The following SRCIN1 variants were observed in gnomAD, a reference collection of about 807,000 sequenced individuals.
SRCIN1 encodes the protein SRC kinase signaling inhibitor 1.
SRCIN1 carries 50 observed loss-of-function variants against 116.2 expected under a neutral mutation model. The observed-to-expected ratio is 0.43, with a 90% CI of 0.34 to 0.54. The LOEUF is 0.54. Ranked by LOEUF, SRCIN1 falls within the 20% of genes least tolerant of loss-of-function variation. SRCIN1 has a pLI of 0.02. For synonymous variants in SRCIN1, 736 were observed against 750.0 expected (o/e 0.98, Z 0.30); for missense variants, 1,446 against 1,672.0 (o/e 0.86, Z 2.36).
intron 18 of SRCIN1, among the ~76,000 whole-genome samples, chr17:38,538,762 T>C (rs1265163047): frequency 6.6e-6 from 1 of 152,220 alleles, no homozygotes; most frequent in Non-Finnish European, 1.5e-5. Context: ...CACGAGGTTA[T>C]GCTCCCTGGC....
chr17:38,534,186 G>A (rs556470116), intron 18 of SRCIN1, among the ~76,000 whole-genome samples: 11 of 152,244 alleles, frequency 7.2e-5, no homozygotes, highest in Admixed American at 1.3e-4. Context: ...GTGGACTCCC[G>A]CAACTCCACC....
At chr17:38,592,254 G>A (rs770794263) in intron 1 of SRCIN1, among the ~76,000 whole-genome samples, 1 of 152,180 alleles carries the variant, frequency 6.6e-6, no homozygotes, top group Admixed American at 6.5e-5. Context: ...CTGTCACCAC[G>A]CCGCCATCCC....
At chr17:38,550,298 T>C (rs1005847580) in intron 15 of SRCIN1, among the ~76,000 whole-genome samples, 6 of 151,942 alleles carry the variant, frequency 3.9e-5, no homozygotes, top group African/African-American at 1.5e-4. Context: ...ATCGAGACCA[T>C]CCTGGCTAAC....
chr17:38,565,730 T>TG (rs1391304420), intron 3 of SRCIN1, among the ~76,000 whole-genome samples: 1 of 152,228 alleles, frequency 6.6e-6, no homozygotes, highest in East Asian at 1.9e-4. Context: ...ATGGGCAGTA[T>TG]GCCCAGCTGT....
At chr17:38,584,405 T>C (rs1907997495) in intron 1 of SRCIN1, among the ~76,000 whole-genome samples, 2 of 152,088 alleles carry the variant, frequency 1.3e-5, no homozygotes, top group Non-Finnish European at 2.9e-5. Flanking sequence ...AAATCCAGAA[T>C]CCGAATGAGG....
At chr17:38,551,728 T>A in intron 14 of SRCIN1, 158 bp downstream of exon 14, 1 of 1,192,500 alleles carries the variant, frequency 8.4e-7, no homozygotes, top group Non-Finnish European at 1.2e-6. Context: ...AGGGCTAATG[T>A]CACCCTCATT....
chr17:38,580,093 C>G (rs1382583747), intron 1 of SRCIN1, among the ~76,000 whole-genome samples: 2 of 152,176 alleles, frequency 1.3e-5, no homozygotes, highest in Non-Finnish European at 2.9e-5. Context: ...CCTCCAAGGG[C>G]AGCCCAGGGC....
At position 38,562,976 on chromosome 17, in the gene SRCIN1, GA is replaced by G; in HGVS notation, c.741-57del. 1 of 1,426,034 alleles carries G rather than the reference GA, an allele frequency of 7.0e-7. No homozygotes were observed. Among genetic ancestry groups the G allele is most frequent in the Non-Finnish European group, 9.8e-7 (1 of 1,020,630 alleles). The allele number at this position is 1,426,034 out of a possible 1,614,324, so 88.3% of individuals were successfully genotyped here. ...CCCATCCCCCAGCTGTGCACAATGA[GA>G]AGGGATGGCTACTCCAGGCCTAGAG... is the stretch of plus-strand genomic sequence containing the variant. On this transcript the variant is annotated intron_variant, in intron 5 of 18. Transcript: ENST00000617146. The surrounding 1 kb of genome is among the most constrained non-coding windows in gnomAD (Gnocchi z 4.2).
Position 38,563,950 on chromosome 17 carries a change from C to G in SRCIN1, c.541+168G>C. On this transcript the variant is annotated intron_variant, in intron 4 of 18. Coordinates refer to ENST00000617146, the MANE Select transcript of SRCIN1 (RefSeq NM_025248.3). This position sits in a 1 kb window ranked among gnomAD's most constrained non-coding sequence, Gnocchi z 5.8. ...AGGGGTCGGGTGGGGATGCTGAGGG[C>G]GAGAGAGAGATGGAGAGAGCTGGGG... 1 of 739,610 alleles carries G rather than the reference C, an allele frequency of 1.4e-6. No homozygotes were observed. The highest frequency in any genetic ancestry group is 1.8e-5 in the South Asian group (1 of 54,940). 45.8% of individuals were successfully genotyped at this position (739,610 alleles called of 1,614,324 possible).
chr17:38,573,953 C>A (rs187985587), intron 2 of SRCIN1, among the ~76,000 whole-genome samples: 2 of 152,358 alleles, frequency 1.3e-5, no homozygotes, highest in African/African-American at 4.8e-5. Flanking sequence ...ACTTGAGTTA[C>A]ACTCGGCTAA....
chr17:38,562,430 C>T lies in SRCIN1; in HGVS notation c.835-102G>A, dbSNP rs1338351140. On this transcript the variant is annotated intron_variant, in intron 6 of 18. Coordinates refer to ENST00000617146, the MANE Select transcript of SRCIN1 (RefSeq NM_025248.3). This position sits in a 1 kb window ranked among gnomAD's most constrained non-coding sequence, Gnocchi z 4.2. ...TCTCCTCCCTGACGCTTAGGAAGTC[C>T]CTTCTGCTCTCTGCCCTCCCTCCAT... 1.5e-5 allele frequency: 19 copies of T among 1,287,352 alleles called. No individual in the cohort carries two copies. Among genetic ancestry groups the T allele is most frequent in the African/African-American group, 3.2e-5 (2 of 63,482 alleles). 79.7% of individuals were successfully genotyped at this position (1,287,352 alleles called of 1,614,324 possible). A position where few individuals can be genotyped will look rare whatever the true frequency, so the allele number is the denominator to read the frequency against.
At chr17:38,581,295 C>T (rs919280472) in intron 1 of SRCIN1, among the ~76,000 whole-genome samples, 15 of 151,838 alleles carry the variant, frequency 9.9e-5, no homozygotes, top group Admixed American at 5.9e-4. Context: ...AATCTCAGCT[C>T]CTTGGGAGGC....
chr17:38,548,148 G>A (rs1905177625), intron 17 of SRCIN1, among the ~76,000 whole-genome samples: 1 of 152,078 alleles, frequency 6.6e-6, no homozygotes, highest in Non-Finnish European at 1.5e-5. Flanking sequence ...GGAGAGTCGA[G>A]GCATGGGGTA....
At chr17:38,570,389 G>A (rs1029252954) in intron 2 of SRCIN1, among the ~76,000 whole-genome samples, 45 of 152,146 alleles carry the variant, frequency 3.0e-4, no homozygotes, top group Admixed American at 1.4e-3. Context: ...CACAGAAACA[G>A]AGACACGGGT....
At chr17:38,536,619 C>T (rs189179734) in intron 18 of SRCIN1, among the ~76,000 whole-genome samples, 1 of 152,298 alleles carries the variant, frequency 6.6e-6, no homozygotes, top group Non-Finnish European at 1.5e-5. Flanking sequence ...CTACAGACCC[C>T]GCTGACTCCA....
rs1232517623 is a variant in SRCIN1 at position 38,572,833 on chromosome 17, G to A, written c.325-4602C>T. On this transcript the variant is annotated intron_variant, in intron 2 of 18. Transcript: ENST00000617146. This position sits in a 1 kb window ranked among gnomAD's most constrained non-coding sequence, Gnocchi z 4.3. ...TTTGCTGCAATGCGAGAGCCGCCGCGGCCGCCGCCGTGCCGGCCCGGGCCC... is the reference window on the plus strand; with the variant it reads ...TTTGCTGCAATGCGAGAGCCGCCGCAGCCGCCGCCGTGCCGGCCCGGGCCC... The A allele has an allele frequency of 6.6e-6, 1 of 152,210 alleles. No homozygotes were observed. The highest frequency in any genetic ancestry group is 6.6e-5 in the Admixed American group (1 of 15,170). The allele number at this position is 152,210 out of a possible 1,614,324, so 9.4% of individuals were successfully genotyped here.
At position 38,552,100 on chromosome 17, in the gene SRCIN1, T is replaced by C. The variant is rs764063965; in HGVS notation, c.2513A>G (p.Asn838Ser). Residue 838 changes from asparagine to serine, a missense_variant, in exon 14 of 19, where the codon AAC (asparagine) becomes AGC (serine). Around this residue, in one of 5 missense-constraint regions of SRCIN1, gnomAD observed 531 missense variants for 633.9 expected, o/e 0.84. Coordinates refer to ENST00000617146, the MANE Select transcript of SRCIN1 (RefSeq NM_025248.3). The surrounding 1 kb of genome is among the most constrained non-coding windows in gnomAD (Gnocchi z 5.3). ...QVDEGVWPPP[N>S]NLLSQSPKKV... Reference sequence around the variant, plus strand: ...CTTGGGGGACTGACTCAGGAGATTGTTGGGGGGTGGCCACACACCCTCATC... The same window carrying C: ...CTTGGGGGACTGACTCAGGAGATTGCTGGGGGGTGGCCACACACCCTCATC... The C allele has an allele frequency of 2.5e-6, 4 of 1,612,878 alleles. No individual in the cohort carries two copies. The South Asian group carries it at 4.4e-5, about 18-fold the overall frequency.
chr17:38,562,185 C>A lies in SRCIN1; in HGVS notation c.978G>T (p.Ser326=). 2 of 1,391,256 alleles carry A rather than the reference C, an allele frequency of 1.4e-6. No homozygotes were observed. The highest frequency in any genetic ancestry group is 9.2e-7 in the Non-Finnish European group (1 of 1,082,552). 86.2% of individuals were successfully genotyped at this position (1,391,256 alleles called of 1,614,324 possible). ...LPSGLQSGSP[S]RSRLSYAGGR... Reference sequence around the variant, plus strand: ...CCCCGGCGTACGATAGGCGCGAACGCGACGGCGAACCGGACTGCAGCCCGG... The same window carrying A: ...CCCCGGCGTACGATAGGCGCGAACGAGACGGCGAACCGGACTGCAGCCCGG... The change falls in exon 7 of 19, where the codon TCG becomes TCT. Residue 326 remains serine (S), a synonymous_variant. Coordinates refer to ENST00000617146, the MANE Select transcript of SRCIN1 (RefSeq NM_025248.3). The surrounding 1 kb of genome is among the most constrained non-coding windows in gnomAD (Gnocchi z 4.2).
Position 38,548,584 on chromosome 17 carries a change from G to T in SRCIN1, c.3243C>A (p.Asp1081Glu), listed in dbSNP as rs201979144. 2 of 1,612,506 alleles carry T rather than the reference G, an allele frequency of 1.2e-6. No homozygotes were observed. Among genetic ancestry groups the T allele is most frequent in the Non-Finnish European group, 1.7e-6 (2 of 1,179,792 alleles). The change falls in exon 17 of 19, where the codon GAC (aspartate) becomes GAA (glutamate). Residue 1081 changes from aspartate (D) to glutamate (E), a missense_variant. Coordinates refer to ENST00000617146, the MANE Select transcript of SRCIN1 (RefSeq NM_025248.3). ...IMASAIKDED[D>E]EDRIIAELES... ...CTAGCTCTGCGATGATGCGATCCTC[G>T]TCATCCTCGTCCTTGATGGCCGAGG...
Sources: allele counts gnomAD v4.1 joint callset (sites outside exome capture counted in the v4.1 genomes callset), GRCh38; gene constraint gnomAD v4.1.1; regional missense constraint gnomAD v4.1.1; non-coding constraint Gnocchi (gnomAD v3.1); transcripts MANE v1.5; gene names NCBI Gene and HGNC (gene_info 2026-07-23, HGNC 2026-07-21).